Variants in TENM2 observed in about 807,000 individuals in gnomAD.
The protein encoded by TENM2 is teneurin transmembrane protein 2, also known as teneurin-2.
In TENM2, 52 loss-of-function variants were observed where a neutral mutation model predicts 245.2. That is an observed-to-expected ratio of 0.21 (90% confidence interval 0.17 to 0.27). The LOEUF is 0.27. Ranked by LOEUF, TENM2 falls within the 10% of genes least tolerant of loss-of-function variation. The probability of loss-of-function intolerance (pLI) is 1.00; values close to 1 mark genes in which losing one functional copy is unlikely to be tolerated. For missense variants in TENM2, 3,046 were observed against 3,666.8 expected, an observed-to-expected ratio of 0.83 and a Z score of 4.37; for synonymous variants, 1,363 against 1,438.9, an observed-to-expected ratio of 0.95 and a Z score of 1.19.
At chr5:167,947,939 C>T (rs1454144277) in intron 3 of TENM2, among the ~76,000 whole-genome samples, 1 of 152,172 alleles carries the variant, frequency 6.6e-6, no homozygotes, top group Non-Finnish European at 1.5e-5. Context: ...TGGCGCAAGA[C>T]AAGCCTGGTT....
chr5:167,704,558 A>C (rs1040485494), intron 2 of TENM2, among the ~76,000 whole-genome samples: 1 of 152,186 alleles, frequency 6.6e-6, no homozygotes, highest in Non-Finnish European at 1.5e-5. Flanking sequence ...CAGAAGACTT[A>C]AATACCAATA....
chr5:167,767,430 A>G (rs1285630426), intron 2 of TENM2, among the ~76,000 whole-genome samples: 1 of 152,228 alleles, frequency 6.6e-6, no homozygotes, highest in African/African-American at 2.4e-5. Flanking sequence ...TTTAATGGGT[A>G]TGGAGTTTTG....
At chr5:167,609,975 A>T (rs770376812) in intron 2 of TENM2, among the ~76,000 whole-genome samples, 9 of 152,106 alleles carry the variant, frequency 5.9e-5, no homozygotes, top group Non-Finnish European at 8.8e-5. Context: ...CCCACTTCAG[A>T]TGCCAATCAC....
chr5:168,082,040 C>G (rs535267387), intron 7 of TENM2, among the ~76,000 whole-genome samples: 3 of 152,290 alleles, frequency 2.0e-5, no homozygotes, highest in Admixed American at 6.5e-5. Flanking sequence ...CAACTTGGTT[C>G]CATTCTGCCT....
At chr5:167,137,571 G>C in the TENM2 span, among the ~76,000 whole-genome samples, 74 of 152,176 alleles carry the variant, frequency 4.9e-4, no homozygotes, top group South Asian at 6.6e-3. Context: ...TTGAGAGTTG[G>C]GTTAAGCCAT....
intron 13 of TENM2, among the ~76,000 whole-genome samples, chr5:168,183,989 A>G (rs1343175255): frequency 6.6e-6 from 1 of 152,114 alleles, no homozygotes; most frequent in East Asian, 1.9e-4. Context: ...TCACTTTGTC[A>G]ATTCACCTGG....
At chr5:167,783,808 G>A (rs1312188467) in intron 2 of TENM2, among the ~76,000 whole-genome samples, 3 of 152,066 alleles carry the variant, frequency 2.0e-5, no homozygotes, top group African/African-American at 7.2e-5. Flanking sequence ...GGAGCCCTGG[G>A]CTCCCTCCCA....
At chr5:167,550,496 G>T (rs974119053) in intron 2 of TENM2, among the ~76,000 whole-genome samples, 3 of 152,040 alleles carry the variant, frequency 2.0e-5, no homozygotes, top group African/African-American at 7.2e-5. Flanking sequence ...GGGAGAAAGA[G>T]GAATCTCATT....
intron 7 of TENM2, among the ~76,000 whole-genome samples, chr5:168,077,100 G>A (rs1791545825): frequency 6.6e-6 from 1 of 152,186 alleles, no homozygotes; most frequent in Non-Finnish European, 1.5e-5. Flanking sequence ...TTTGTATTCA[G>A]TAGGGTTATT....
intron 1 of TENM2, among the ~76,000 whole-genome samples, chr5:167,304,108 A>G (rs1007882367): frequency 1.3e-5 from 2 of 152,230 alleles, no homozygotes; most frequent in Non-Finnish European, 2.9e-5. Context: ...ACACATACGC[A>G]ACCCATGAAG....
intron 3 of TENM2, among the ~76,000 whole-genome samples, chr5:167,890,014 G>C (rs995922252): frequency 9.9e-5 from 15 of 152,090 alleles, no homozygotes; most frequent in African/African-American, 3.1e-4. Flanking sequence ...AGGAAACCAT[G>C]GTGAAGAAAG....
chr5:167,898,659 AAACCAGGCTCTC>A (rs1204857378), intron 3 of TENM2, among the ~76,000 whole-genome samples: 6 of 152,202 alleles, frequency 3.9e-5, no homozygotes, highest in African/African-American at 1.4e-4. Context: ...TGCAAGACCT[AAACCAGGCTCTC>A]AGCATTAAGG....
intron 7 of TENM2, among the ~76,000 whole-genome samples, chr5:168,070,381 G>T (rs1257328413): frequency 1.3e-5 from 2 of 151,992 alleles, no homozygotes; most frequent in Non-Finnish European, 2.9e-5. Context: ...ATTATAAGTG[G>T]CCTCTTACGA....
chr5:168,238,221 GAAGAAAAGAAAAGAAAAGAAA>G (rs1765722652), intron 25 of TENM2, among the ~76,000 whole-genome samples: 28 of 24,378 alleles, frequency 1.1e-3, no homozygotes, highest in African/African-American at 3.4e-3. Flanking sequence ...GAGGGAGAGA[GAAGAAAAGAAAAGAAAAGAAA>G]AGAAAAGAAA....
At chr5:167,510,850 C>T (rs183862917) in intron 2 of TENM2, among the ~76,000 whole-genome samples, 40 of 152,172 alleles carry the variant, frequency 2.6e-4, no homozygotes, top group Admixed American at 4.6e-4. Flanking sequence ...AATCTTCAGT[C>T]TCACTATGTT....
At chr5:167,224,454 G>C in the TENM2 span, among the ~76,000 whole-genome samples, 1 of 151,770 alleles carries the variant, frequency 6.6e-6, no homozygotes, top group East Asian at 1.9e-4. Flanking sequence ...TGTTCTTTCC[G>C]CAATATCTGT....
At position 167,797,157 on chromosome 5, in the gene TENM2, A is replaced by T. The variant is rs527324139; in HGVS notation, c.503-78829A>T. On this transcript the variant is annotated intron_variant, in intron 2 of 28. Transcript: ENST00000518659. ...ATTTTGCTGAGGTGAGGACTTAGCA[A>T]TTGTTGACATGCAGAAATATGCACT... Among the ~76,000 whole-genome samples, 18 of 152,208 alleles carry T rather than the reference A, an allele frequency of 1.2e-4. No homozygotes were observed. In the East Asian group the frequency reaches 3.3e-3, roughly 28 times the overall value.
At chr5:167,940,082 A>G (rs1223636006) in intron 3 of TENM2, among the ~76,000 whole-genome samples, 1 of 152,154 alleles carries the variant, frequency 6.6e-6, no homozygotes, top group African/African-American at 2.4e-5. Context: ...TACAGTTTGC[A>G]TGAGATAGAG....
the TENM2 span, among the ~76,000 whole-genome samples, chr5:167,244,481 T>A: frequency 2.0e-5 from 3 of 152,198 alleles, no homozygotes; most frequent in African/African-American, 7.2e-5. Flanking sequence ...AGCAGTTAAA[T>A]GGCTGCGTTT....
Sources: allele counts gnomAD v4.1 joint callset (sites outside exome capture counted in the v4.1 genomes callset), GRCh38; gene constraint gnomAD v4.1.1; transcripts MANE v1.5; gene names NCBI Gene and HGNC (gene_info 2026-07-23, HGNC 2026-07-21).